The following DGKG variants were observed in gnomAD, a reference collection of about 807,000 sequenced individuals.
DGKG encodes the protein diacylglycerol kinase gamma.
A neutral mutation model predicts 105.3 loss-of-function variants in DGKG; 78 were observed. The observed-to-expected ratio is 0.74, with a 90% CI of 0.62 to 0.89. The LOEUF is 0.89. Among genes scored for constraint, DGKG ranks in the 40% least tolerant of loss-of-function variants. DGKG has a pLI of 0.00. For missense variants in DGKG, 958 were observed against 1,020.1 expected, an observed-to-expected ratio of 0.94 and a Z score of 0.83; for synonymous variants, 346 against 367.1, an observed-to-expected ratio of 0.94 and a Z score of 0.66.
At chr3:186,332,787 T>C (rs1725660518) in intron 1 of DGKG, among the ~76,000 whole-genome samples, 1 of 152,188 alleles carries the variant, frequency 6.6e-6, no homozygotes, top group Non-Finnish European at 1.5e-5. Context: ...GTGGCAGTAT[T>C]GAGAGGTGAG....
At chr3:186,275,508 T>C (rs776042409) in intron 10 of DGKG, 39 bp downstream of exon 10, 15 of 1,548,166 alleles carry the variant, frequency 9.7e-6, no homozygotes, top group Middle Eastern at 3.4e-4. Flanking sequence ...CAGAGCAAGA[T>C]AGTGCCTGGG....
At position 186,277,192 on chromosome 3, in the gene DGKG, A is replaced by T. The variant is rs572121354; in HGVS notation, c.793-1528T>A. Among the ~76,000 whole-genome samples the T allele has an allele frequency of 2.0e-5, 3 of 152,374 alleles. No homozygotes were observed. The East Asian group carries it at 5.8e-4, about 29-fold the overall frequency. ...AACATCTACCTCAAGGGCTTTTTGTAAGAATTAAATGACATCATGTAAGTA... is the reference window on the plus strand; with the variant it reads ...AACATCTACCTCAAGGGCTTTTTGTTAGAATTAAATGACATCATGTAAGTA... On this transcript the variant is annotated intron_variant, in intron 9 of 24. Coordinates refer to ENST00000265022, the MANE Select transcript of DGKG (RefSeq NM_001346.3).
intron 20 of DGKG, among the ~76,000 whole-genome samples, chr3:186,212,257 C>G (rs568306416): frequency 6.6e-6 from 1 of 152,288 alleles, no homozygotes; most frequent in Admixed American, 6.5e-5. Context: ...TTCCATTACT[C>G]AGGCAGAACT....
rs1390882137 is a variant in DGKG, at chr3:186,182,551, T to C, written c.2095+5651A>G. 2.6e-5 allele frequency among the ~76,000 whole-genome samples: 4 copies of C among 152,312 alleles called. No individual in the cohort carries two copies. In the East Asian group the frequency reaches 5.8e-4, roughly 22 times the overall value. ...GAATTCTAGTTCAATGGTGAGTCCC[T>C]ACTCTACCCTCTCTCAATTGCAAGT... On this transcript the variant is annotated intron_variant, in intron 22 of 24. Transcript: ENST00000265022.
intron 22 of DGKG, among the ~76,000 whole-genome samples, chr3:186,179,179 T>C (rs1717240175): frequency 6.6e-6 from 1 of 152,160 alleles, no homozygotes; most frequent in African/African-American, 2.4e-5. Context: ...CTAACCATGG[T>C]TTGAGGATCA....
chr3:186,171,837 C>T (rs1012732844), intron 22 of DGKG, among the ~76,000 whole-genome samples: 4 of 152,030 alleles, frequency 2.6e-5, no homozygotes. Context: ...ATTTTTCTGT[C>T]CATTCTCATC....
chr3:186,327,390 CTTTTTT>C (rs36076414), intron 1 of DGKG, among the ~76,000 whole-genome samples: 1 of 136,006 alleles, frequency 7.4e-6, no homozygotes, highest in Admixed American at 7.4e-5. Context: ...TTTTCTTCTT[CTTTTTT>C]TTTTTTTTGA....
intron 11 of DGKG, 100 bp downstream of exon 11, chr3:186,272,155 G>C (rs1437247446): frequency 1.1e-6 from 1 of 894,680 alleles, no homozygotes; most frequent in Non-Finnish European, 1.9e-6. Context: ...GAAGGGACTG[G>C]ATGAAGCTCC....
chr3:186,345,910 A>T (rs1726308394), intron 1 of DGKG, among the ~76,000 whole-genome samples: 1 of 152,158 alleles, frequency 6.6e-6, no homozygotes, highest in Non-Finnish European at 1.5e-5. Context: ...CTGGGATTAC[A>T]GGTGCCCGCC....
intron 24 of DGKG, 107 bp downstream of exon 24, chr3:186,161,496 C>A: frequency 6.4e-7 from 1 of 1,558,460 alleles, no homozygotes. Flanking sequence ...GATAATCTTC[C>A]ACAGTCCCTG....
intron 11 of DGKG, among the ~76,000 whole-genome samples, chr3:186,271,929 C>T (rs1245339222): frequency 1.3e-5 from 2 of 152,230 alleles, no homozygotes; most frequent in Non-Finnish European, 2.9e-5. Context: ...GTACCTTCCA[C>T]ACAGCTGTGT....
At chr3:186,314,770 A>G (rs1724738008) in intron 2 of DGKG, among the ~76,000 whole-genome samples, 2 of 151,948 alleles carry the variant, frequency 1.3e-5, no homozygotes, top group Admixed American at 1.3e-4. Flanking sequence ...AAAAAAAAAA[A>G]AAAAGTTCTA....
intron 20 of DGKG, among the ~76,000 whole-genome samples, chr3:186,237,405 CT>C (rs1720470322): frequency 6.6e-6 from 1 of 152,162 alleles, no homozygotes; most frequent in African/African-American, 2.4e-5. Flanking sequence ...GCCAGTCCTG[CT>C]CCTTGCTGTG....
chr3:186,230,576 G>A (rs1471816330), intron 20 of DGKG, among the ~76,000 whole-genome samples: 1 of 152,118 alleles, frequency 6.6e-6, no homozygotes, highest in Non-Finnish European at 1.5e-5. Context: ...TGGGAGGGGG[G>A]TGGTGGAAGT....
intron 22 of DGKG, 52 bp downstream of exon 22, chr3:186,188,150 G>A: frequency 1.9e-6 from 3 of 1,595,976 alleles, no homozygotes; most frequent in South Asian, 1.1e-5. Flanking sequence ...CCACCTGAGG[G>A]CACCTACTAC....
chr3:186,320,268 T>C (rs1725016357), intron 2 of DGKG, 125 bp downstream of exon 2: 2 of 1,124,092 alleles, frequency 1.8e-6, no homozygotes, highest in Non-Finnish European at 2.5e-6. Flanking sequence ...TATAAGGAAA[T>C]ATAAGCCGTC....
At position 186,203,438 on chromosome 3, in the gene DGKG, TGAATTTG is replaced by T. The variant is rs1480666063; in HGVS notation, c.1917+8350_1917+8356del. Among the ~76,000 whole-genome samples, 1 of 152,186 alleles carries T rather than the reference TGAATTTG, an allele frequency of 6.6e-6. No individual in the cohort carries two copies. The highest frequency in any genetic ancestry group is 1.5e-5 in the Non-Finnish European group (1 of 68,030). ...CTCTGTATTTTAAAATGTTCTGCCATGAATTTGGATTACCTTTGTAATCGGGAAAAGA... is the reference window on the plus strand; with the variant it reads ...CTCTGTATTTTAAAATGTTCTGCCATGATTACCTTTGTAATCGGGAAAAGA... On this transcript the variant is annotated intron_variant, in intron 21 of 24. Transcript: ENST00000265022. The surrounding 1 kb of genome is among the most constrained non-coding windows in gnomAD (Gnocchi z 4.9).
intron 22 of DGKG, among the ~76,000 whole-genome samples, chr3:186,166,822 G>T (rs1378073612): frequency 6.6e-6 from 1 of 152,178 alleles, no homozygotes; most frequent in East Asian, 1.9e-4. Flanking sequence ...GGCAGAGACA[G>T]ATGTCTTGGA....
chr3:186,356,937 C>T (rs947210298), intron 1 of DGKG, among the ~76,000 whole-genome samples: 5 of 152,138 alleles, frequency 3.3e-5, no homozygotes, highest in African/African-American at 1.2e-4. Flanking sequence ...CAGCATCCAC[C>T]AACTCCCATC....
Sources: gnomAD v4.1 joint callset for allele counts (sites outside exome capture counted in the v4.1 genomes callset) on GRCh38, gnomAD v4.1.1 for gene constraint, Gnocchi (gnomAD v3.1) non-coding constraint, MANE v1.5 for transcripts, NCBI Gene and HGNC (gene_info 2026-07-23, HGNC 2026-07-21) for gene names.